Variants in GTF2E1 observed in about 807,000 individuals in gnomAD.
GTF2E1 encodes the protein general transcription factor IIE subunit 1, also known as TFIIE alpha subunit.
In GTF2E1, 14 loss-of-function variants were observed where a neutral mutation model predicts 34.9. That is an observed-to-expected ratio of 0.40 (90% CI 0.27 to 0.63). The LOEUF (loss-of-function observed/expected upper bound fraction) is 0.63. Ranked by LOEUF, GTF2E1 falls within the 20% of genes least tolerant of loss-of-function variation. The pLI, the probability that GTF2E1 is intolerant of heterozygous loss-of-function variation, is 0.39. For missense variants in GTF2E1, 469 were observed against 557.7 expected (o/e 0.84, Z 1.60); for synonymous variants, 188 against 192.9 (o/e 0.97, Z 0.21).
intron 1 of GTF2E1, among the ~76,000 whole-genome samples, 169 bp from the exon 2 acceptor site, chr3:120,750,354 G>A (rs1360158735): frequency 6.6e-6 from 1 of 152,096 alleles, no homozygotes; most frequent in Non-Finnish European, 1.5e-5. Flanking sequence ...AGCTTTTTGG[G>A]TGTAATCTTT....
At chr3:120,762,398 C>G (rs1709271904) in intron 2 of GTF2E1, among the ~76,000 whole-genome samples, 3 of 152,138 alleles carry the variant, frequency 2.0e-5, no homozygotes, top group African/African-American at 7.2e-5. Flanking sequence ...CTGGGTGCTC[C>G]TGTACTGGGT....
chr3:120,756,035 C>G (rs1243792352), intron 2 of GTF2E1, among the ~76,000 whole-genome samples: 1 of 152,144 alleles, frequency 6.6e-6, no homozygotes, highest in Non-Finnish European at 1.5e-5. Context: ...AGGTTGCTTC[C>G]AAATCTTAGC....
At chr3:120,748,863 T>C (rs1387332999) in intron 1 of GTF2E1, among the ~76,000 whole-genome samples, 1 of 152,220 alleles carries the variant, frequency 6.6e-6, no homozygotes, top group Non-Finnish European at 1.5e-5. Context: ...TTTCACGATA[T>C]TGATTCTTCC....
At chr3:120,760,423 T>C (rs1709250184) in intron 2 of GTF2E1, among the ~76,000 whole-genome samples, 1 of 152,210 alleles carries the variant, frequency 6.6e-6, no homozygotes, top group Non-Finnish European at 1.5e-5. Flanking sequence ...CCTTTATTTC[T>C]TTCTCTTGCC....
chr3:120,774,297 G>A (rs998573107), intron 3 of GTF2E1, among the ~76,000 whole-genome samples: 21 of 152,124 alleles, frequency 1.4e-4, no homozygotes, highest in Non-Finnish European at 2.6e-4. Flanking sequence ...AGACAAATGG[G>A]TGTGAGAGGA....
In GTF2E1 at chr3:120,767,770, C is replaced by T. The variant is rs148791148; in HGVS notation, c.449-2958C>T. 8.1e-4 allele frequency among the ~76,000 whole-genome samples: 124 copies of T among 152,186 alleles called. 2 individuals carry two copies. The East Asian group carries it at 0.019, about 23-fold the overall frequency. On this transcript the variant is annotated intron_variant, in intron 2 of 4. Coordinates refer to ENST00000283875, the MANE Select transcript of GTF2E1 (RefSeq NM_005513.3). ...TGTTTTCATACCTGCAAAATCAGCC[C>T]TTCTGTAAGTAACTCCTGTTAAGTT... is the stretch of plus-strand genomic sequence containing the variant.
chr3:120,770,759 G>A lies in GTF2E1; in HGVS notation c.480G>A (p.Glu160=). 1 of 1,613,608 alleles carries A rather than the reference G, an allele frequency of 6.2e-7. No homozygotes were observed. The highest frequency in any genetic ancestry group is 8.5e-7 in the Non-Finnish European group (1 of 1,179,590). Residue 160 remains glutamate, a synonymous_variant, in exon 3 of 5, where the codon GAG becomes GAA. Coordinates refer to ENST00000283875, the MANE Select transcript of GTF2E1 (RefSeq NM_005513.3). ...TCCGCTGTACTTTTTGCCATACAGA[G>A]GTAGAAGAGGATGAATCAGCAATGC... ...GTFRCTFCHT[E]VEEDESAMPK...
At chr3:120,753,821 T>C (rs1272691402) in intron 2 of GTF2E1, among the ~76,000 whole-genome samples, 2 of 152,202 alleles carry the variant, frequency 1.3e-5, no homozygotes, top group African/African-American at 4.8e-5. Context: ...TCCATTTAGA[T>C]TTGCTTTTGA....
intron 3 of GTF2E1, among the ~76,000 whole-genome samples, chr3:120,771,229 T>C (rs1189451351): frequency 6.6e-6 from 1 of 152,152 alleles, no homozygotes; most frequent in East Asian, 1.9e-4. Flanking sequence ...TAATCCTAAA[T>C]TAGTTGTGCC....
intron 2 of GTF2E1, among the ~76,000 whole-genome samples, chr3:120,753,008 C>A (rs1709178637): frequency 6.6e-6 from 1 of 152,048 alleles, no homozygotes. Context: ...AACATACTTG[C>A]CTTTTTATTG....
At chr3:120,773,057 A>C (rs768868267) in intron 3 of GTF2E1, among the ~76,000 whole-genome samples, 3 of 152,186 alleles carry the variant, frequency 2.0e-5, no homozygotes, top group Non-Finnish European at 4.4e-5. Context: ...TCATTAAGAA[A>C]AAAGGGAGGA....
intron 2 of GTF2E1, among the ~76,000 whole-genome samples, chr3:120,767,572 T>G (rs1013918483): frequency 2.0e-5 from 3 of 152,200 alleles, no homozygotes; most frequent in Non-Finnish European, 4.4e-5. Context: ...GGAACTGGCT[T>G]AAATACTGAC....
rs755775571 is a variant in GTF2E1 at position 120,781,103 on chromosome 3, A to G, written c.953A>G (p.Asn318Ser). ...REEGHAGPDD[N>S]EEVMRALLIH... ...GAAGGCCATGCTGGGCCTGATGACAACGAAGAGGTCATGCGAGCACTGCTC... is the reference window on the plus strand; with the variant it reads ...GAAGGCCATGCTGGGCCTGATGACAGCGAAGAGGTCATGCGAGCACTGCTC... Residue 318 changes from asparagine to serine, a missense_variant, in exon 5 of 5, where the codon AAC becomes AGC. By Grantham distance (46) the Asn-to-Ser change is conservative (BLOSUM62 1). Coordinates refer to ENST00000283875, the MANE Select transcript of GTF2E1 (RefSeq NM_005513.3). The G allele has an allele frequency of 2.5e-6, 4 of 1,614,074 alleles. No homozygotes were observed. Among genetic ancestry groups the G allele is most frequent in the East Asian group, 2.2e-5 (1 of 44,862 alleles).
At position 120,781,351 on chromosome 3, in the gene GTF2E1, C is replaced by G; in HGVS notation, c.1201C>G (p.Arg401Gly). 6.2e-7 allele frequency: 1 copy of G among 1,613,996 alleles called. No homozygotes were observed. The highest frequency in any genetic ancestry group is 8.5e-7 in the Non-Finnish European group (1 of 1,179,922). ...TGACCCCATTGTCATGGTGGCTGGC[C>G]GTCCGTTCTCCTACAGTGAAGTGAG... ...ADDPIVMVAG[R>G]PFSYSEVSQR... Residue 401 changes from arginine (R) to glycine (G), a missense_variant, in exon 5 of 5, where the codon CGT becomes GGT. By Grantham distance (125) the Arg-to-Gly change is moderately radical. Transcript: ENST00000283875.
At chr3:120,747,207 TTTTTATTTTA>T (rs957011802) in intron 1 of GTF2E1, among the ~76,000 whole-genome samples, 18 of 150,890 alleles carry the variant, frequency 1.2e-4, no homozygotes, top group Non-Finnish European at 7.4e-5. Context: ...GAAGCCCAGG[TTTTTATTTTA>T]TTTTATTTTA....
rs556815069 is a variant in GTF2E1, at chr3:120,750,955, A to G, written c.403A>G (p.Thr135Ala). The change falls in exon 2 of 5, where the codon ACT (threonine) becomes GCT (alanine). Residue 135 changes from threonine (T) to alanine (A), a missense_variant. Thr to Ala is a moderately conservative substitution (Grantham distance 58). Coordinates refer to ENST00000283875, the MANE Select transcript of GTF2E1 (RefSeq NM_005513.3). ...CTTCAAATGTCCTGTCTGTAGTAGT[A>G]CTTTCACAGACTTAGAAGCTAATCA... ...ASFKCPVCSS[T>A]FTDLEANQLF... is the part of the protein sequence containing the mutation. The G allele has an allele frequency of 6.2e-7, 1 of 1,613,868 alleles. No homozygotes were observed. The highest frequency in any genetic ancestry group is 1.1e-5 in the South Asian group (1 of 91,074).
intron 1 of GTF2E1, 63 bp from the exon 2 acceptor site, chr3:120,750,460 G>C (rs1278915614): frequency 3.2e-6 from 3 of 942,574 alleles, no homozygotes; most frequent in Middle Eastern, 2.2e-4. Flanking sequence ...GCACTGCAAG[G>C]ATAGTGGATA....
Position 120,776,519 on chromosome 3 carries a change from A to T in GTF2E1, c.747A>T (p.Leu249Phe), listed in dbSNP as rs762784392. The change falls in exon 4 of 5, where the codon TTA becomes TTT. Residue 249 changes from leucine (L) to phenylalanine (F), a missense_variant. Transcript: ENST00000283875. ...CCAAAGGTCCTTCCTATGAAGACTT[A>T]TACACTCAGAATGTTGTCATTAACA... is the stretch of plus-strand genomic sequence containing the variant. ...WATKGPSYED[L>F]YTQNVVINMD... The T allele has an allele frequency of 6.1e-5, 99 of 1,613,904 alleles. No homozygotes were observed. The East Asian group carries it at 2.1e-3, about 34-fold the overall frequency.
At chr3:120,772,155 C>G (rs979487522) in intron 3 of GTF2E1, among the ~76,000 whole-genome samples, 1 of 152,116 alleles carries the variant, frequency 6.6e-6, no homozygotes, top group African/African-American at 2.4e-5. Context: ...CCGTCCCTTC[C>G]TTGTGTCCTA....
Sources: gnomAD v4.1 joint callset for allele counts (sites outside exome capture counted in the v4.1 genomes callset) on GRCh38, gnomAD v4.1.1 for gene constraint, MANE v1.5 for transcripts, NCBI Gene and HGNC (gene_info 2026-07-23, HGNC 2026-07-21) for gene names.